Variants in LRMDA observed in about 807,000 individuals in gnomAD.
The protein encoded by LRMDA is leucine rich melanocyte differentiation associated, also known as leucine-rich melanocyte differentiation-associated protein.
Under a neutral mutation model 29.8 loss-of-function variants are expected in LRMDA, and 18 were observed. The ratio of observed to expected loss-of-function variants is 0.60; its 90% confidence interval spans 0.42 to 0.90. The LOEUF (loss-of-function observed/expected upper bound fraction) is 0.90. Ranked by LOEUF, LRMDA falls within the 40% of genes least tolerant of loss-of-function variation. The probability of loss-of-function intolerance (pLI) is 0.00; values close to 1 mark genes in which losing one functional copy is unlikely to be tolerated. For synonymous variants in LRMDA, 125 were observed against 109.4 expected (o/e 1.14, Z -0.89); for missense variants, 273 against 273.9 (o/e 1.00, Z 0.02).
chr10:75,652,063 C>T (rs1564531296), intron 2 of LRMDA, among the ~76,000 whole-genome samples: 1 of 152,156 alleles, frequency 6.6e-6, no homozygotes, highest in Non-Finnish European at 1.5e-5. Context: ...GTTCTCAAAG[C>T]GAAATGTTGT....
rs1842885455 is a variant in LRMDA at position 76,497,526 on chromosome 10, A to G, written c.602-59683A>G. Among the ~76,000 whole-genome samples the G allele has an allele frequency of 5.3e-5, 4 of 75,082 alleles. 1 individual carries two copies. Among genetic ancestry groups the G allele is most frequent in the Non-Finnish European group, 8.8e-5 (2 of 22,626 alleles). 49.3% of individuals were successfully genotyped at this position (75,082 alleles called of 152,430 possible). ...ATGCCCACCACTTCAACTCAAGTAT[A>G]CCCCACTGACTCTATTCAGTAGAGA... is the stretch of plus-strand genomic sequence containing the variant. On this transcript the variant is annotated intron_variant, in intron 6 of 6. Coordinates refer to ENST00000611255, the MANE Select transcript of LRMDA (RefSeq NM_001305581.2).
chr10:75,582,039 C>T (rs1281382700), intron 2 of LRMDA, among the ~76,000 whole-genome samples: 2 of 152,220 alleles, frequency 1.3e-5, no homozygotes, highest in African/African-American at 4.8e-5. Context: ...CAGTTCTGCC[C>T]CTGTGACTTT....
At chr10:76,187,201 G>A (rs1259615214) in intron 5 of LRMDA, among the ~76,000 whole-genome samples, 1 of 152,086 alleles carries the variant, frequency 6.6e-6, no homozygotes, top group Non-Finnish European at 1.5e-5. Context: ...CTGTAAATGT[G>A]TATTTTTATA....
intron 5 of LRMDA, among the ~76,000 whole-genome samples, chr10:76,143,905 C>T (rs1487022571): frequency 6.6e-6 from 1 of 152,198 alleles, no homozygotes; most frequent in Admixed American, 6.5e-5. Flanking sequence ...TCAGCTTCTA[C>T]ATATGGCTAG....
intron 2 of LRMDA, among the ~76,000 whole-genome samples, chr10:75,523,931 C>T (rs1307673285): frequency 1.3e-5 from 2 of 152,148 alleles, no homozygotes; most frequent in African/African-American, 4.8e-5. Context: ...AGTTGGAAGA[C>T]TCAGGATGTC....
chr10:75,734,996 G>T (rs191932934), intron 2 of LRMDA, among the ~76,000 whole-genome samples: 1 of 151,970 alleles, frequency 6.6e-6, no homozygotes, highest in African/African-American at 2.4e-5. Flanking sequence ...TTTAGCATTC[G>T]CTCTAATTTA....
chr10:75,743,472 T>C (rs1187552561), intron 2 of LRMDA: 2 of 152,164 alleles, frequency 1.3e-5, no homozygotes, highest in African/African-American at 2.4e-5. Context: ...ACAGTCTGCA[T>C]TTGTGGAAAT....
At chr10:76,158,047 T>C (rs551083846) in intron 5 of LRMDA, among the ~76,000 whole-genome samples, 2 of 152,316 alleles carry the variant, frequency 1.3e-5, no homozygotes, top group South Asian at 4.1e-4. Flanking sequence ...ATGTGGTCCA[T>C]TGTTGACTGA....
At chr10:76,019,974 G>A (rs1407753118) in intron 2 of LRMDA, among the ~76,000 whole-genome samples, 1 of 152,238 alleles carries the variant, frequency 6.6e-6, no homozygotes, top group African/African-American at 2.4e-5. Flanking sequence ...CTTTTACACA[G>A]TCTGATGTGG....
intron 2 of LRMDA, among the ~76,000 whole-genome samples, chr10:76,029,706 GAT>G (rs2132500021): frequency 6.6e-6 from 1 of 152,236 alleles, no homozygotes; most frequent in East Asian, 1.9e-4. Flanking sequence ...AGTATTCTTA[GAT>G]ATGGTGCAGG....
chr10:75,444,290 A>C (rs1438535801), intron 2 of LRMDA, among the ~76,000 whole-genome samples: 1 of 151,670 alleles, frequency 6.6e-6, no homozygotes, highest in Non-Finnish European at 1.5e-5. Flanking sequence ...TGTTTTTGTG[A>C]CTCTTTTCTG....
At chr10:75,884,113 G>A (rs1343143936) in intron 2 of LRMDA, among the ~76,000 whole-genome samples, 1 of 151,878 alleles carries the variant, frequency 6.6e-6, no homozygotes, top group Non-Finnish European at 1.5e-5. Context: ...GAATATTGAA[G>A]TTTGTTAATA....
chr10:75,929,019 A>G (rs904880694), intron 2 of LRMDA, among the ~76,000 whole-genome samples: 18 of 152,202 alleles, frequency 1.2e-4, no homozygotes, highest in African/African-American at 4.3e-4. Context: ...GATTATTTCT[A>G]AGGAACCCTA....
chr10:75,699,093 C>G (rs917415637), intron 2 of LRMDA, among the ~76,000 whole-genome samples: 2 of 150,796 alleles, frequency 1.3e-5, no homozygotes, highest in East Asian at 2.0e-4. Context: ...CCCAGCTACT[C>G]GGGAGGTGGA....
At chr10:75,810,554 A>G (rs1205468170) in intron 2 of LRMDA, among the ~76,000 whole-genome samples, 2 of 152,236 alleles carry the variant, frequency 1.3e-5, no homozygotes, top group Non-Finnish European at 1.5e-5. Context: ...AATCACCAAC[A>G]TTCTGCCACT....
rs143991149 is a variant in LRMDA, at chr10:75,860,590, G to A, written c.132-175418G>A. ...GTCCGCCTCGGCCTCCCAAAGTGCCGGGGTTACAAGCATGAGCCACCACAC... is the reference window on the plus strand; with the variant it reads ...GTCCGCCTCGGCCTCCCAAAGTGCCAGGGTTACAAGCATGAGCCACCACAC... On this transcript the variant is annotated intron_variant, in intron 2 of 6. Transcript: ENST00000611255. Among the ~76,000 whole-genome samples, 1,428 of 152,180 alleles carry A rather than the reference G, an allele frequency of 9.4e-3. 29 individuals are homozygous for A. Among genetic ancestry groups the A allele is most frequent in the African/African-American group, 0.03 (1,236 of 41,502 alleles).
At chr10:75,624,141 A>G (rs1047756581) in intron 2 of LRMDA, among the ~76,000 whole-genome samples, 4 of 152,228 alleles carry the variant, frequency 2.6e-5, no homozygotes, top group African/African-American at 7.2e-5. Flanking sequence ...TCATGTGCAC[A>G]TGAAACTTAT....
chr10:75,918,395 G>C (rs756593114), intron 2 of LRMDA, among the ~76,000 whole-genome samples: 1 of 152,080 alleles, frequency 6.6e-6, no homozygotes, highest in African/African-American at 2.4e-5. Context: ...TTCCAATCAC[G>C]GTGGAAGGCA....
chr10:75,952,513 TCACA>T (rs927271689), intron 2 of LRMDA, among the ~76,000 whole-genome samples: 1 of 152,120 alleles, frequency 6.6e-6, no homozygotes, highest in African/African-American at 2.4e-5. Context: ...CTCTCTCTGA[TCACA>T]CATTACAAAG....
Sources: allele counts gnomAD v4.1 joint callset (sites outside exome capture counted in the v4.1 genomes callset), GRCh38; gene constraint gnomAD v4.1.1; transcripts MANE v1.5; gene names NCBI Gene and HGNC (gene_info 2026-07-23, HGNC 2026-07-21).